GRB10: variants seen among roughly 807,000 people sequenced by gnomAD.
GRB10 encodes growth factor receptor bound protein 10.
A neutral mutation model predicts 80.9 loss-of-function variants in GRB10; 20 were observed. The ratio of observed to expected loss-of-function variants is 0.25; its 90% confidence interval spans 0.17 to 0.36. The LOEUF (loss-of-function observed/expected upper bound fraction) is 0.36, where lower values mean the gene tolerates loss of function less well. GRB10 is among the 10% of genes least tolerant of loss of function. The probability of loss-of-function intolerance (pLI) is 1.00; values close to 1 mark genes in which losing one functional copy is unlikely to be tolerated. For synonymous variants in GRB10, 291 were observed against 291.5 expected (o/e 1.00, Z 0.02); for missense variants, 548 against 747.7 (o/e 0.73, Z 3.12).
Position 50,671,111 on chromosome 7 carries a change from C to G in GRB10, c.363-1248G>C, listed in dbSNP as rs577052087. 2.0e-5 allele frequency among the ~76,000 whole-genome samples: 3 copies of G among 152,322 alleles called. No homozygotes were observed. In the East Asian group the frequency reaches 5.8e-4, roughly 29 times the overall value. On this transcript the variant is annotated intron_variant, in intron 6 of 18. Coordinates refer to ENST00000401949, the MANE Select transcript of GRB10 (RefSeq NM_001350814.2). ...CCTCTGTAGAGTAACTTCTGGCCCA[C>G]ACCTCCAGGGCACTCCTGGACACAC...
At chr7:50,665,870 C>T (rs1467715346) in intron 7 of GRB10, among the ~76,000 whole-genome samples, 2 of 152,166 alleles carry the variant, frequency 1.3e-5, no homozygotes, top group Non-Finnish European at 2.9e-5. Context: ...CGCCGGTGTA[C>T]GTCTCCCCCA....
chr7:50,694,031 G>A (rs1193420607), intron 5 of GRB10, among the ~76,000 whole-genome samples: 1 of 152,050 alleles, frequency 6.6e-6, no homozygotes, highest in East Asian at 1.9e-4. Flanking sequence ...AAGTGGGTGG[G>A]TGGGACCACT....
chr7:50,664,748 T>C (rs1369967134), intron 7 of GRB10, among the ~76,000 whole-genome samples: 1 of 152,078 alleles, frequency 6.6e-6, no homozygotes, highest in Non-Finnish European at 1.5e-5. Context: ...GCCCAGCCTC[T>C]CCGGCCGGAG....
At chr7:50,636,350 G>A (rs2055019790) in intron 7 of GRB10, among the ~76,000 whole-genome samples, 1 of 152,078 alleles carries the variant, frequency 6.6e-6, no homozygotes, top group African/African-American at 2.4e-5. Context: ...CCAAAAATTT[G>A]AGAAGAAATT....
chr7:50,629,634 A>AC (rs2053629082), intron 7 of GRB10, among the ~76,000 whole-genome samples: 1 of 152,038 alleles, frequency 6.6e-6, no homozygotes, highest in Non-Finnish European at 1.5e-5. Context: ...ATCTCAAACC[A>AC]CCCAGTCAAC....
chr7:50,682,591 C>A (rs2061668250), intron 5 of GRB10, among the ~76,000 whole-genome samples: 1 of 152,160 alleles, frequency 6.6e-6, no homozygotes, highest in African/African-American at 2.4e-5. Flanking sequence ...AAGTATTTGA[C>A]AAGTTAAAAA....
At chr7:50,677,152 G>A (rs985013184) in intron 5 of GRB10, among the ~76,000 whole-genome samples, 1 of 152,206 alleles carries the variant, frequency 6.6e-6, no homozygotes, top group Non-Finnish European at 1.5e-5. Context: ...TGTGGAAGGA[G>A]GGAAGAAGAG....
chr7:50,634,305 G>A (rs1045752615), intron 7 of GRB10, among the ~76,000 whole-genome samples: 13 of 152,200 alleles, frequency 8.5e-5, no homozygotes, highest in African/African-American at 2.9e-4. Context: ...CTTCAAAAAT[G>A]AAGGAGAAAT....
At chr7:50,769,059 G>C (rs2076691193) in intron 2 of GRB10, among the ~76,000 whole-genome samples, 2 of 152,094 alleles carry the variant, frequency 1.3e-5, no homozygotes, top group Admixed American at 1.3e-4. Context: ...TGAACTCAGG[G>C]GAATCCATCT....
chr7:50,628,077 C>T (rs2053300815), intron 7 of GRB10, among the ~76,000 whole-genome samples: 1 of 152,232 alleles, frequency 6.6e-6, no homozygotes, highest in South Asian at 2.1e-4. Context: ...ACCACAACAA[C>T]CGCAACAACA....
chr7:50,674,604 C>A lies in GRB10; in HGVS notation c.194G>T (p.Ser65Ile), dbSNP rs769861647. ...LVNDMNASLE[S>I]LYSACSMQSD... ...CTGCATGCTGCAGGCCGAGTACAGG[C>A]TCTCCAGGGATGCATTCATATCGTT... Residue 65 changes from serine to isoleucine, a missense_variant, in exon 6 of 19, where the codon AGC becomes ATC. Around this residue, in one of 4 missense-constraint regions of GRB10, gnomAD observed 245 missense variants for 229.3 expected, o/e 1.07. Transcript: ENST00000401949. The A allele has an allele frequency of 1.9e-6, 3 of 1,613,792 alleles. No homozygotes were observed. Among genetic ancestry groups the A allele is most frequent in the Non-Finnish European group, 2.5e-6 (3 of 1,180,044 alleles).
chr7:50,726,368 A>T lies in GRB10; in HGVS notation c.51+5904T>A, dbSNP rs576253994. Among the ~76,000 whole-genome samples the T allele has an allele frequency of 2.6e-5, 4 of 152,306 alleles. No homozygotes were observed. In the East Asian group the frequency reaches 5.8e-4, roughly 22 times the overall value. On this transcript the variant is annotated intron_variant, in intron 4 of 18. Transcript: ENST00000401949. ...AGCTGAGATTGGGCCACTGCATTCC[A>T]GCCTAGGTGACAGAGTGAGACTCTG...
At chr7:50,641,817 T>C (rs2056316968) in intron 7 of GRB10, among the ~76,000 whole-genome samples, 1 of 152,214 alleles carries the variant, frequency 6.6e-6, no homozygotes, top group African/African-American at 2.4e-5. Context: ...GGTGACAGCC[T>C]TCTCTTGGGC....
At position 50,628,728 on chromosome 7, in the gene GRB10, T is replaced by C. The variant is rs1433129867; in HGVS notation, c.505-1750A>G. Among the ~76,000 whole-genome samples, 3 of 152,098 alleles carry C rather than the reference T, an allele frequency of 2.0e-5. No homozygotes were observed. The East Asian group carries it at 5.8e-4, about 29-fold the overall frequency. ...GCCACCTACGGGCCACTTCTCCAAC[T>C]CAAAGAAATCCCAGGGCTGGGGCTG... is the stretch of plus-strand genomic sequence containing the variant. On this transcript the variant is annotated intron_variant, in intron 7 of 18. Coordinates refer to ENST00000401949, the MANE Select transcript of GRB10 (RefSeq NM_001350814.2).
chr7:50,595,090 T>TCCTTC (rs1313495950), intron 18 of GRB10, among the ~76,000 whole-genome samples: 1 of 151,922 alleles, frequency 6.6e-6, no homozygotes, highest in Non-Finnish European at 1.5e-5. Flanking sequence ...GTGACCTTGA[T>TCCTTC]CCTTCCCATC....
upstream of GRB10, among the ~76,000 whole-genome samples, chr7:50,784,712 G>C (rs1378497098): frequency 6.6e-6 from 1 of 152,200 alleles, no homozygotes; most frequent in African/African-American, 2.4e-5. Context: ...AACAAGAACA[G>C]AATCTTTGAA....
intron 5 of GRB10, among the ~76,000 whole-genome samples, chr7:50,685,575 C>G (rs1338347188): frequency 1.3e-5 from 2 of 152,130 alleles, no homozygotes; most frequent in East Asian, 3.9e-4. Context: ...CAGTGTGCGT[C>G]CTCAGATGAA....
intron 6 of GRB10, 51 bp from the exon 7 acceptor site, chr7:50,669,914 C>T (rs769763391): frequency 9.4e-5 from 147 of 1,561,998 alleles, no homozygotes; most frequent in Non-Finnish European, 1.2e-4. Flanking sequence ...CCCACATGAC[C>T]CAGCCTTACC....
At chr7:50,750,556 C>T (rs780347158) in intron 3 of GRB10, among the ~76,000 whole-genome samples, 7 of 152,158 alleles carry the variant, frequency 4.6e-5, no homozygotes, top group Non-Finnish European at 5.9e-5. Flanking sequence ...TCTCTTGGGG[C>T]AAGACATCTA....
Sources: gnomAD v4.1 joint callset for allele counts (sites outside exome capture counted in the v4.1 genomes callset) on GRCh38, gnomAD v4.1.1 for gene constraint, gnomAD v4.1.1 regional missense constraint, MANE v1.5 for transcripts, NCBI Gene and HGNC (gene_info 2026-07-23, HGNC 2026-07-21) for gene names.